The following PALM2AKAP2 variants were observed in gnomAD, a reference collection of about 807,000 sequenced individuals.
PALM2AKAP2 encodes PALM2-AKAP2 fusion protein.
PALM2AKAP2 carries 37 observed loss-of-function variants against 71.5 expected under a neutral mutation model. The observed-to-expected ratio is 0.52, with a 90% confidence interval of 0.40 to 0.68. The LOEUF is 0.68. Ranked by LOEUF, PALM2AKAP2 falls within the 30% of genes least tolerant of loss-of-function variation. PALM2AKAP2 has a pLI of 0.00. For synonymous variants in PALM2AKAP2, 468 were observed against 478.8 expected, an observed-to-expected ratio of 0.98 and a Z score of 0.29; for missense variants, 1,224 against 1,191.8, an observed-to-expected ratio of 1.03 and a Z score of -0.40.
chr9:109,843,017 G>T (rs1376696516), intron 1 of PALM2AKAP2, among the ~76,000 whole-genome samples: 1 of 151,728 alleles, frequency 6.6e-6, no homozygotes, highest in Non-Finnish European at 1.5e-5. Flanking sequence ...GCGCATGCTT[G>T]TAATCCCAGC....
intron 1 of PALM2AKAP2, among the ~76,000 whole-genome samples, chr9:109,736,668 G>A (rs2118673764): frequency 6.6e-6 from 1 of 152,160 alleles, no homozygotes; most frequent in South Asian, 2.1e-4. Flanking sequence ...ATCGCGTAGT[G>A]GTGACATCTG....
intron 6 of PALM2AKAP2, among the ~76,000 whole-genome samples, chr9:109,982,321 G>T (rs4978410): frequency 0.13 from 19,025 of 152,118 alleles, 1,535 homozygotes; most frequent in East Asian, 0.25. Context: ...TGGGGAGGGG[G>T]AAGTGGGTAT....
intron 3 of PALM2AKAP2, among the ~76,000 whole-genome samples, chr9:109,907,124 T>G (rs1168410357): frequency 6.6e-6 from 1 of 152,186 alleles, no homozygotes; most frequent in South Asian, 2.1e-4. Context: ...CCTCCTGAAA[T>G]CCTGCCCTGC....
chr9:110,035,834 TTA>T (rs1318314211), intron 7 of PALM2AKAP2, among the ~76,000 whole-genome samples: 3 of 147,392 alleles, frequency 2.0e-5, no homozygotes, highest in East Asian at 1.9e-4. Context: ...ATGTTGTGTG[TTA>T]TATATAATAT....
At chr9:109,781,804 T>C (rs1826807270) in intron 1 of PALM2AKAP2, among the ~76,000 whole-genome samples, 1 of 152,242 alleles carries the variant, frequency 6.6e-6, no homozygotes, top group African/African-American at 2.4e-5. Context: ...GAAAGGTTGT[T>C]TTTTTCTTCT....
exon 4 of PALM2AKAP2, chr9:110,168,546 C>T (rs749016136): frequency 6.3e-7 from 1 of 1,592,424 alleles, no homozygotes; most frequent in Admixed American, 1.8e-5. Context: ...GACCAAGAAA[C>T]CAAGAAATTA....
Position 109,996,014 on chromosome 9 carries a change from G to A in PALM2AKAP2, c.497-19940G>A, listed in dbSNP as rs114284531. On this transcript the variant is annotated intron_variant, in intron 6 of 9. Coordinates refer to the PALM2AKAP2 transcript ENST00000302798. ...TAGTGACACAATTTATACAGCAAGAGAAGGAATGTCACAGACCACCAGATG... is the reference window on the plus strand; with the variant it reads ...TAGTGACACAATTTATACAGCAAGAAAAGGAATGTCACAGACCACCAGATG... 9.4e-3 allele frequency among the ~76,000 whole-genome samples: 1,433 copies of A among 152,294 alleles called. 23 individuals are homozygous for A. The highest frequency in any genetic ancestry group is 0.033 in the African/African-American group (1,383 of 41,548).
chr9:110,065,220 T>C (rs1266714799), intron 1 of PALM2AKAP2, among the ~76,000 whole-genome samples: 1 of 152,148 alleles, frequency 6.6e-6, no homozygotes, highest in Non-Finnish European at 1.5e-5. Context: ...TGTTATTTAT[T>C]ATTTATTTAT....
intron 6 of PALM2AKAP2, among the ~76,000 whole-genome samples, chr9:109,994,011 T>C (rs1337886818): frequency 6.6e-6 from 1 of 152,158 alleles, no homozygotes; most frequent in Non-Finnish European, 1.5e-5. Context: ...TTCAGTATTA[T>C]AAATACCTAG....
At chr9:110,065,460 C>G (rs939765257) in intron 1 of PALM2AKAP2, among the ~76,000 whole-genome samples, 8 of 152,196 alleles carry the variant, frequency 5.3e-5, no homozygotes, top group African/African-American at 1.9e-4. Flanking sequence ...CTCCTGAGCT[C>G]CAGCGATCCT....
intron 6 of PALM2AKAP2, among the ~76,000 whole-genome samples, chr9:109,980,080 C>T (rs997431252): frequency 3.3e-5 from 5 of 152,158 alleles, no homozygotes; most frequent in African/African-American, 1.2e-4. Context: ...CTGCTCTGAG[C>T]TCCCTAAACC....
chr9:109,800,497 C>T (rs193071791), intron 1 of PALM2AKAP2, among the ~76,000 whole-genome samples: 2 of 152,274 alleles, frequency 1.3e-5, no homozygotes, highest in Non-Finnish European at 1.5e-5. Context: ...ATGACCCCTC[C>T]GGGTTTGGCA....
intron 1 of PALM2AKAP2, among the ~76,000 whole-genome samples, chr9:109,854,763 CTTT>C (rs34401582): frequency 1.5e-5 from 1 of 66,158 alleles, no homozygotes; most frequent in Non-Finnish European, 2.7e-5. Context: ...AAGAATGTAT[CTTT>C]TTTTTTTTTT....
intron 1 of PALM2AKAP2, among the ~76,000 whole-genome samples, chr9:110,076,344 T>G (rs1425054573): frequency 6.6e-6 from 1 of 151,858 alleles, no homozygotes; most frequent in Non-Finnish European, 1.5e-5. Context: ...TCTTCATAAA[T>G]AAGGCTGCAG....
At chr9:109,641,854 T>C (rs546797567) in intron 1 of PALM2AKAP2, among the ~76,000 whole-genome samples, 1 of 152,228 alleles carries the variant, frequency 6.6e-6, no homozygotes, top group South Asian at 2.1e-4. Context: ...AGATGCAGCC[T>C]TTATCCCTCT....
chr9:109,887,636 T>C (rs150142660), intron 3 of PALM2AKAP2, among the ~76,000 whole-genome samples: 1 of 152,028 alleles, frequency 6.6e-6, no homozygotes, highest in African/African-American at 2.4e-5. Flanking sequence ...GTGATGATGA[T>C]GATGATGATG....
At chr9:109,862,917 G>A (rs752967082) in intron 1 of PALM2AKAP2, 1 of 515,032 alleles carries the variant, frequency 1.9e-6, no homozygotes, top group Admixed American at 2.0e-5. Flanking sequence ...ACTGCAAGTA[G>A]TCTTTGAGGT....
chr9:109,808,059 A>G (rs1460825200), intron 1 of PALM2AKAP2, among the ~76,000 whole-genome samples: 1 of 152,224 alleles, frequency 6.6e-6, no homozygotes. Flanking sequence ...TAAATTACCC[A>G]GTCTCAGGTA....
chr9:109,872,432 C>A (rs1277593806), intron 2 of PALM2AKAP2, among the ~76,000 whole-genome samples: 2 of 152,146 alleles, frequency 1.3e-5, no homozygotes, highest in Admixed American at 1.3e-4. Flanking sequence ...CCTACTGCAA[C>A]ATGAATTCCT....
Sources: gnomAD v4.1 joint callset for allele counts (sites outside exome capture counted in the v4.1 genomes callset) on GRCh38, gnomAD v4.1.1 for gene constraint, MANE v1.5 for transcripts, NCBI Gene and HGNC (gene_info 2026-07-23, HGNC 2026-07-21) for gene names.